The following EPM2A variants were observed in gnomAD, a reference collection of about 807,000 sequenced individuals.
EPM2A encodes the protein laforin.
A neutral mutation model predicts 26.5 loss-of-function variants in EPM2A; 21 were observed. The observed-to-expected ratio is 0.79, with a 90% CI of 0.56 to 1.14. The LOEUF is 1.14. EPM2A is among the 50% of genes most tolerant of loss of function. EPM2A has a pLI of 0.00. For synonymous variants in EPM2A, 217 were observed against 177.6 expected (o/e 1.22, Z -1.76); for missense variants, 458 against 440.8 (o/e 1.04, Z -0.35).
At chr6:145,492,655 A>G (rs1402645548) in intron 4 of EPM2A, among the ~76,000 whole-genome samples, 1 of 152,168 alleles carries the variant, frequency 6.6e-6, no homozygotes. Context: ...AGGTGAAGTG[A>G]AAAGGGAATG....
At chr6:145,474,288 C>T (rs1168659729) in intron 4 of EPM2A, among the ~76,000 whole-genome samples, 1 of 151,960 alleles carries the variant, frequency 6.6e-6, no homozygotes, top group South Asian at 2.1e-4. Context: ...CTGGTGAAAC[C>T]CCATCTCTAC....
chr6:145,496,148 T>C (rs1313223141), intron 4 of EPM2A, among the ~76,000 whole-genome samples: 2 of 152,224 alleles, frequency 1.3e-5, no homozygotes, highest in African/African-American at 4.8e-5. Flanking sequence ...TTCTGGCTTG[T>C]AGGGTTTCCA....
intron 2 of EPM2A, among the ~76,000 whole-genome samples, chr6:145,576,912 TCTTTG>T (rs1357824190): frequency 3.9e-5 from 6 of 151,904 alleles, no homozygotes; most frequent in Admixed American, 2.0e-4. Flanking sequence ...TTTAGGTTTC[TCTTTG>T]CTTTGTTTTT....
rs529886086 is a variant in EPM2A at position 145,646,073 on chromosome 6, C to T, written c.477-10587G>A. On this transcript the variant is annotated intron_variant, in intron 2 of 3. Coordinates refer to ENST00000367519, the MANE Select transcript of EPM2A (RefSeq NM_005670.4). ...ATTATCCATAGACTCTTATTAAGAG[C>T]ATTCACTCCAGCAGCCAGAGACCCA... Among the ~76,000 whole-genome samples the T allele has an allele frequency of 6.6e-5, 10 of 152,266 alleles. No individual in the cohort carries two copies. The East Asian group carries it at 1.9e-3, about 29-fold the overall frequency.
intron 2 of EPM2A, among the ~76,000 whole-genome samples, chr6:145,553,238 A>T (rs779326887): frequency 3.3e-5 from 5 of 152,182 alleles, no homozygotes; most frequent in African/African-American, 7.2e-5. Context: ...AGCTCTCACC[A>T]GCCGTGCATA....
At chr6:145,612,350 A>T (rs1334865175) in intron 2 of EPM2A, among the ~76,000 whole-genome samples, 3 of 152,218 alleles carry the variant, frequency 2.0e-5, no homozygotes, top group Non-Finnish European at 4.4e-5. Context: ...CAGAGAAAAG[A>T]GTAAAGTTTG....
At chr6:145,731,318 T>C (rs1357389047) in intron 1 of EPM2A, among the ~76,000 whole-genome samples, 3 of 152,142 alleles carry the variant, frequency 2.0e-5, no homozygotes, top group African/African-American at 7.2e-5. Flanking sequence ...CCACCACAGC[T>C]ACCCCTACTG....
chr6:145,685,518 G>A (rs702320), intron 2 of EPM2A, among the ~76,000 whole-genome samples: 95,354 of 151,978 alleles, frequency 0.63, 30,311 homozygotes, highest in East Asian at 0.74. Flanking sequence ...ATTGTTTAAG[G>A]TTTAGATTTA....
chr6:145,446,876 T>A (rs1174256589), intron 4 of EPM2A, among the ~76,000 whole-genome samples: 1 of 152,168 alleles, frequency 6.6e-6, no homozygotes, highest in Non-Finnish European at 1.5e-5. Context: ...ATTCTGATTA[T>A]CTTGGATCTT....
rs1461818341 is a variant in EPM2A, at chr6:145,626,437, C to T, written c.*979G>A. 2.0e-6 allele frequency: 2 copies of T among 985,796 alleles called. No individual in the cohort carries two copies. The highest frequency in any genetic ancestry group is 1.2e-4 in the Admixed American group (2 of 16,264). The allele number at this position is 985,796 out of a possible 1,614,324, so 61.1% of individuals were successfully genotyped here. ...CCACTCTGGTCTTAAAACAGCCCAT[C>T]ATGTTTTTAAATTAGCTTGCACAAA... On this transcript the variant is annotated 3_prime_UTR_variant, in exon 4 of 4. Coordinates refer to ENST00000367519, the MANE Select transcript of EPM2A (RefSeq NM_005670.4).
rs1165444038 is a variant in EPM2A, at chr6:145,627,641, C to T, written c.771G>A (p.Glu257=). The part of the protein sequence containing the change: ...QAVCLLHALL[E]KGHIVYVHCN... Reference sequence around the variant, plus strand: ...AGTGCACGTACACGATGTGTCCCTTCTCCAGCAGCGCATGCAGCAGGCACA... The same window carrying T: ...AGTGCACGTACACGATGTGTCCCTTTTCCAGCAGCGCATGCAGCAGGCACA... Residue 257 remains glutamate (E), a synonymous_variant, in exon 4 of 4, where the codon GAG becomes GAA. Transcript: ENST00000367519. The T allele has an allele frequency of 6.2e-7, 1 of 1,614,214 alleles. No homozygotes were observed. The highest frequency in any genetic ancestry group is 8.5e-7 in the Non-Finnish European group (1 of 1,180,042).
At chr6:145,499,226 T>TA (rs1436436443), downstream of EPM2A, among the ~76,000 whole-genome samples, 2 of 152,218 alleles carry the variant, frequency 1.3e-5, no homozygotes, top group African/African-American at 4.8e-5. Flanking sequence ...CCTGACATCT[T>TA]ACATCTACCT....
chr6:145,549,995 C>T (rs1780632747), intron 2 of EPM2A, among the ~76,000 whole-genome samples: 1 of 151,994 alleles, frequency 6.6e-6, no homozygotes, highest in African/African-American at 2.4e-5. Context: ...TAATGTGAAT[C>T]CCCTGTATGT....
chr6:145,435,376 G>A (rs1778976051), intron 4 of EPM2A, among the ~76,000 whole-genome samples: 1 of 149,502 alleles, frequency 6.7e-6, no homozygotes, highest in Non-Finnish European at 1.5e-5. Flanking sequence ...TCAATGAAAT[G>A]GGACAAATCA....
chr6:145,559,691 T>A (rs796252656), intron 2 of EPM2A, among the ~76,000 whole-genome samples: 5,724 of 115,790 alleles, frequency 0.049, 368 homozygotes, highest in African/African-American at 0.16. Flanking sequence ...TTTTTTTTTT[T>A]TAAAATGGTG....
chr6:145,566,690 T>C (rs999151531), intron 2 of EPM2A, among the ~76,000 whole-genome samples: 2 of 152,234 alleles, frequency 1.3e-5, no homozygotes, highest in African/African-American at 4.8e-5. Flanking sequence ...TGAAAGGATC[T>C]AGGGCCACCT....
chr6:145,671,889 G>A (rs914794344), intron 2 of EPM2A, among the ~76,000 whole-genome samples: 2 of 152,010 alleles, frequency 1.3e-5, no homozygotes, highest in Admixed American at 6.5e-5. Context: ...AGTGTGAAGT[G>A]TGATGTTCAT....
intron 2 of EPM2A, among the ~76,000 whole-genome samples, chr6:145,571,734 G>A (rs528461744): frequency 2.0e-5 from 3 of 152,316 alleles, no homozygotes; most frequent in East Asian, 3.9e-4. Context: ...GGAAGTCCAC[G>A]TTGCTGAGAC....
chr6:145,642,373 T>TA (rs1777149393), intron 2 of EPM2A, among the ~76,000 whole-genome samples: 2 of 152,086 alleles, frequency 1.3e-5, no homozygotes, highest in Admixed American at 1.3e-4. Context: ...GACCAAGGAA[T>TA]AAAAAATTAA....
Sources: gnomAD v4.1 joint callset for allele counts (sites outside exome capture counted in the v4.1 genomes callset) on GRCh38, gnomAD v4.1.1 for gene constraint, MANE v1.5 for transcripts, NCBI Gene and HGNC (gene_info 2026-07-23, HGNC 2026-07-21) for gene names.